NSMCE2: variants seen among roughly 807,000 people sequenced by gnomAD.
NSMCE2 encodes the protein E3 SUMO-protein ligase NSE2.
A neutral mutation model predicts 23.8 loss-of-function variants in NSMCE2; 24 were observed. The observed-to-expected ratio is 1.01, with a 90% confidence interval of 0.73 to 1.42. The LOEUF (loss-of-function observed/expected upper bound fraction) is 1.42, where lower values mean the gene tolerates loss of function less well. Ranked by LOEUF, NSMCE2 falls within the 40% of genes most tolerant of loss-of-function variation. The pLI is 0.00. For missense variants in NSMCE2, 284 were observed against 296.5 expected (o/e 0.96, Z 0.31); for synonymous variants, 92 against 94.1 (o/e 0.98, Z 0.13).
chr8:125,151,862 G>A (rs1253264388), intron 4 of NSMCE2, among the ~76,000 whole-genome samples: 1 of 152,126 alleles, frequency 6.6e-6, no homozygotes, highest in Non-Finnish European at 1.5e-5. Context: ...AGTAAGAAAT[G>A]AGCAATACGA....
In NSMCE2 at chr8:125,266,217, G is replaced by A. The variant is rs7812775; in HGVS notation, c.418+83961G>A. On this transcript the variant is annotated intron_variant, in intron 5 of 7. Coordinates refer to ENST00000287437, the MANE Select transcript of NSMCE2 (RefSeq NM_173685.4). The stretch of plus-strand genomic sequence containing the variant: ...AGAGATTCTCCTGCCTCGGCCTCCC[G>A]AGTAGTTGGGATTACAGGCATGTGC... Among the ~76,000 whole-genome samples the A allele has an allele frequency of 4.0e-5, 6 of 151,132 alleles. No individual in the cohort carries two copies. In the South Asian group the frequency reaches 6.3e-4, roughly 16 times the overall value.
chr8:125,112,219 T>A (rs760953096), intron 3 of NSMCE2, among the ~76,000 whole-genome samples: 2 of 152,256 alleles, frequency 1.3e-5, no homozygotes, highest in Non-Finnish European at 2.9e-5. Flanking sequence ...TTAATTATGC[T>A]GTATATAGTA....
chr8:125,239,341 G>A (rs1224541268), intron 5 of NSMCE2, among the ~76,000 whole-genome samples: 2 of 152,142 alleles, frequency 1.3e-5, no homozygotes, highest in Non-Finnish European at 2.9e-5. Context: ...GGGCACTGTG[G>A]ATCACTCCTG....
intron 5 of NSMCE2, among the ~76,000 whole-genome samples, chr8:125,322,676 T>C (rs529563237): frequency 1.6e-4 from 24 of 152,222 alleles, no homozygotes; most frequent in Non-Finnish European, 3.2e-4. Context: ...TAGTAAAATT[T>C]GCAGATAACA....
At chr8:125,302,513 TTA>T (rs1828605343) in intron 5 of NSMCE2, among the ~76,000 whole-genome samples, 1 of 152,146 alleles carries the variant, frequency 6.6e-6, no homozygotes, top group Admixed American at 6.5e-5. Flanking sequence ...TGGCTTTTAC[TTA>T]GAGGTTAATA....
chr8:125,357,443 G>T (rs774117954), intron 6 of NSMCE2, 124 bp downstream of exon 6: 9 of 725,922 alleles, frequency 1.2e-5, no homozygotes, highest in Admixed American at 1.2e-4. Context: ...GAAAAGTGCT[G>T]GGGGTTGAAG....
chr8:125,204,222 A>G (rs752779888), intron 5 of NSMCE2, among the ~76,000 whole-genome samples: 4 of 152,232 alleles, frequency 2.6e-5, no homozygotes, highest in Non-Finnish European at 2.9e-5. Flanking sequence ...AGATAGGTCA[A>G]GGCCCTTTTT....
At chr8:125,362,706 A>G (rs541877790) in intron 7 of NSMCE2, among the ~76,000 whole-genome samples, 2 of 152,320 alleles carry the variant, frequency 1.3e-5, no homozygotes, top group Non-Finnish European at 2.9e-5. Context: ...TGAGCCTGCA[A>G]TTCTGTCAGT....
intron 3 of NSMCE2, among the ~76,000 whole-genome samples, chr8:125,119,329 A>G (rs886377167): frequency 6.6e-6 from 1 of 152,210 alleles, no homozygotes; most frequent in Non-Finnish European, 1.5e-5. Flanking sequence ...AAGCTCTCCC[A>G]TTCACATTAG....
chr8:125,167,309 G>A (rs1821937059), intron 4 of NSMCE2, among the ~76,000 whole-genome samples: 1 of 152,188 alleles, frequency 6.6e-6, no homozygotes, highest in Non-Finnish European at 1.5e-5. Context: ...ATGTAAAACA[G>A]AATAAGCAGT....
intron 4 of NSMCE2, among the ~76,000 whole-genome samples, chr8:125,179,716 C>A (rs771058181): frequency 2.0e-5 from 3 of 152,096 alleles, no homozygotes; most frequent in Non-Finnish European, 4.4e-5. Context: ...TTGGTTTATT[C>A]AGCTTTTCCT....
chr8:125,172,278 C>G (rs556836545), intron 4 of NSMCE2, among the ~76,000 whole-genome samples: 78 of 152,290 alleles, frequency 5.1e-4, no homozygotes, highest in Non-Finnish European at 9.3e-4. Context: ...TATCTGTATT[C>G]TTGCTGCAGG....
At chr8:125,290,395 C>T (rs977683763) in intron 5 of NSMCE2, among the ~76,000 whole-genome samples, 5 of 152,054 alleles carry the variant, frequency 3.3e-5, no homozygotes, top group African/African-American at 1.2e-4. Context: ...GAACAAGAAT[C>T]TAAAAGGAGG....
intron 5 of NSMCE2, among the ~76,000 whole-genome samples, chr8:125,211,266 G>T (rs1389590874): frequency 6.6e-6 from 1 of 152,070 alleles, no homozygotes; most frequent in African/African-American, 2.4e-5. Context: ...GTGGGCCTCT[G>T]CCTCCCTGGA....
intron 3 of NSMCE2, among the ~76,000 whole-genome samples, chr8:125,115,548 C>G (rs949554731): frequency 4.6e-5 from 7 of 152,170 alleles, no homozygotes; most frequent in African/African-American, 1.7e-4. Flanking sequence ...GTCAGGAGTT[C>G]AAGACCACCC....
At chr8:125,271,260 C>CA (rs35443773) in intron 5 of NSMCE2, among the ~76,000 whole-genome samples, 70,252 of 126,568 alleles carry the variant, frequency 0.56, 18,721 homozygotes, top group Non-Finnish European at 0.63. Context: ...GACTCCATCT[C>CA]AAAAAAAAAA....
chr8:125,223,882 G>C (rs1586635452), intron 5 of NSMCE2, among the ~76,000 whole-genome samples: 2 of 143,100 alleles, frequency 1.4e-5, no homozygotes, highest in East Asian at 4.2e-4. Context: ...CGCAATCATA[G>C]CTCCACTATG....
chr8:125,176,373 G>A (rs80202857), intron 4 of NSMCE2, among the ~76,000 whole-genome samples: 3,280 of 152,144 alleles, frequency 0.022, 128 homozygotes, highest in African/African-American at 0.075. Flanking sequence ...TTTTCTTTTG[G>A]TTGTTTCTTA....
intron 5 of NSMCE2, among the ~76,000 whole-genome samples, chr8:125,279,192 G>A (rs149471234): frequency 1.3e-5 from 2 of 152,300 alleles, no homozygotes; most frequent in African/African-American, 4.8e-5. Context: ...TTTGATAGAT[G>A]TGGTTCCGTG....
Sources: gnomAD v4.1 joint callset for allele counts (sites outside exome capture counted in the v4.1 genomes callset) on GRCh38, gnomAD v4.1.1 for gene constraint, MANE v1.5 for transcripts, NCBI Gene and HGNC (gene_info 2026-07-23, HGNC 2026-07-21) for gene names.